Variants in TECPR1 observed in about 807,000 individuals in gnomAD.
TECPR1 encodes tectonin beta-propeller repeat containing 1, also known as tectonin beta-propeller repeat-containing protein 1.
TECPR1 carries 122 observed loss-of-function variants against 162.4 expected under a neutral mutation model. The observed-to-expected ratio is 0.75, with a 90% CI of 0.65 to 0.87. The LOEUF is 0.87. Among genes scored for constraint, TECPR1 ranks in the 40% least tolerant of loss-of-function variants. TECPR1 has a pLI of 0.00. For missense variants in TECPR1, 1,432 were observed against 1,618.2 expected (o/e 0.88, Z 1.97); for synonymous variants, 642 against 670.6 (o/e 0.96, Z 0.66).
Position 98,228,118 on chromosome 7 carries a change from T to C in TECPR1, c.2411-2A>G, listed in dbSNP as rs781634126. 6.2e-7 allele frequency: 1 copy of C among 1,607,900 alleles called. No homozygotes were observed. Among genetic ancestry groups the C allele is most frequent in the Non-Finnish European group, 8.5e-7 (1 of 1,177,510 alleles). On this transcript the variant is annotated splice_acceptor_variant, in intron 16 of 25. Coordinates refer to ENST00000447648, the MANE Select transcript of TECPR1 (RefSeq NM_015395.3). LOFTEE classifies it high-confidence loss of function. ...TGTTACTGGTGCTGCTGGCCAGGCC[T>C]GTGGGGAGAGGTGGCTGCTGGGACC...
intron 17 of TECPR1, chr7:98,226,657 G>A (rs970461772): frequency 1.3e-5 from 14 of 1,100,090 alleles, no homozygotes; most frequent in African/African-American, 1.7e-5. Context: ...GCCGGGCGCA[G>A]TGGCTCTCGC....
In TECPR1 at chr7:98,233,551, A is replaced by G. The variant is rs775058038; in HGVS notation, c.1542T>C (p.Ser514=). ...AGFPETTSLS[S]LGLLPLGLEE... is the part of the protein sequence containing the mutation. ...CCAAGCCCAGTGGGAGGAGCCCCAG[A>G]GAGGAGAGGCTGGTGGTCTCGGGGA... Residue 514 remains serine, a synonymous_variant, in exon 11 of 26, where the codon TCT becomes TCC. Coordinates refer to ENST00000447648, the MANE Select transcript of TECPR1 (RefSeq NM_015395.3). 1 of 1,595,154 alleles carries G rather than the reference A, an allele frequency of 6.3e-7. No individual in the cohort carries two copies. The highest frequency in any genetic ancestry group is 8.5e-7 in the Non-Finnish European group (1 of 1,172,664).
At chr7:98,233,359 C>T (rs2116580239) in intron 11 of TECPR1, 62 bp downstream of exon 11, 1 of 1,398,874 alleles carries the variant, frequency 7.1e-7, no homozygotes, top group Non-Finnish European at 9.3e-7. Context: ...CCTCCTCCCA[C>T]ACCCCACACC....
chr7:98,245,982 G>A lies in TECPR1; in HGVS notation c.165C>T (p.Tyr55=), dbSNP rs747907196. The change falls in exon 3 of 26, where the codon TAC becomes TAT. Residue 55 remains tyrosine, a synonymous_variant. Transcript: ENST00000447648. The stretch of plus-strand genomic sequence containing the variant: ...GGACATCGCTGGCACACACATACAC[G>A]TAGACCTGGTTGTCACAGGCAATGC... ...CWGIACDNQV[Y]VYVCASDVPI... 33 of 1,606,674 alleles carry A rather than the reference G, an allele frequency of 2.1e-5. No individual in the cohort carries two copies. The South Asian group carries it at 2.9e-4, about 14-fold the overall frequency.
At chr7:98,233,216 G>A (rs1355801160) in intron 11 of TECPR1, 25 of 811,392 alleles carry the variant, frequency 3.1e-5, no homozygotes, top group East Asian at 2.0e-4. Flanking sequence ...ACTGGCCACC[G>A]TGCTTCCAGG....
At position 98,244,968 on chromosome 7, in the gene TECPR1, C is replaced by G. The variant is rs200648329; in HGVS notation, c.325G>C (p.Val109Leu). The G allele has an allele frequency of 1.2e-6, 2 of 1,612,794 alleles. No individual in the cohort carries two copies. Among genetic ancestry groups the G allele is most frequent in the East Asian group, 4.5e-5 (2 of 44,866 alleles). The change falls in exon 4 of 26, where the codon GTG (valine) becomes CTG (leucine). Residue 109 changes from valine to leucine, a missense_variant. Physicochemically the swap from Val to Leu is conservative, Grantham distance 32 (BLOSUM62 1). Transcript: ENST00000447648. Reference protein sequence around the residue: ...SGLQHRPLDRVALPSPHWEWE... With the variant: ...SGLQHRPLDRLALPSPHWEWE... Reference sequence around the variant, plus strand: ...TCCCAGTGCGGCGAGGGCAGTGCCACCCTGTCCAGCGGCCGGTGCTGGAGC... The same window carrying G: ...TCCCAGTGCGGCGAGGGCAGTGCCAGCCTGTCCAGCGGCCGGTGCTGGAGC...
intron 2 of TECPR1, among the ~76,000 whole-genome samples, chr7:98,247,223 G>A (rs1798935017): frequency 6.6e-6 from 1 of 151,984 alleles, no homozygotes; most frequent in Non-Finnish European, 1.5e-5. Context: ...ACTCGTTGCG[G>A]CCTCGAACTC....
Position 98,216,339 on chromosome 7 carries a change from C to T in TECPR1, c.*1051G>A, listed in dbSNP as rs1460657241. 2 of 152,420 alleles carry T rather than the reference C, an allele frequency of 1.3e-5. No individual in the cohort carries two copies. Among genetic ancestry groups the T allele is most frequent in the African/African-American group, 4.8e-5 (2 of 41,462 alleles). The allele number at this position is 152,420 out of a possible 1,614,324, so 9.4% of individuals were successfully genotyped here. A position where few individuals can be genotyped will look rare whatever the true frequency, so the allele number is the denominator to read the frequency against. On this transcript the variant is annotated 3_prime_UTR_variant, in exon 26 of 26. Transcript: ENST00000447648. The stretch of plus-strand genomic sequence containing the variant: ...GAAGCCCGCAGTCTGCACCCTCCTA[C>T]AACATGATTTGACATCCAAGAAGCC...
intron 13 of TECPR1, 69 bp downstream of exon 13, chr7:98,231,735 T>G: frequency 6.5e-7 from 1 of 1,545,632 alleles, no homozygotes; most frequent in Non-Finnish European, 8.8e-7. Flanking sequence ...CCCATTTCTG[T>G]ACCCCTCCTC....
In TECPR1 at chr7:98,233,643, C is replaced by T. The variant is rs1458204438; in HGVS notation, c.1450G>A (p.Glu484Lys). Residue 484 changes from glutamate to lysine, a missense_variant, in exon 11 of 26, where the codon GAG (glutamate) becomes AAG (lysine). By Grantham distance (56) the Glu-to-Lys change is moderately conservative (BLOSUM62 1). Coordinates refer to ENST00000447648, the MANE Select transcript of TECPR1 (RefSeq NM_015395.3). ...AGGTCAATATTGGTCCAGGGCAGCT[C>T]GGCCGGGGTGGGGGCCGGGCCGGGG... ...THPGPAPTPA[E>K]LPWTNIDLKE... The T allele has an allele frequency of 1.4e-5, 23 of 1,590,190 alleles. No homozygotes were observed. Among genetic ancestry groups the T allele is most frequent in the South Asian group, 3.4e-5 (3 of 88,376 alleles).
intron 10 of TECPR1, among the ~76,000 whole-genome samples, chr7:98,234,705 C>CT (rs34332931): frequency 0.017 from 1,222 of 73,288 alleles, 18 homozygotes; most frequent in Admixed American, 0.027. Context: ...TTGTTATTGT[C>CT]TTTTTTTTTT....
intron 11 of TECPR1, 51 bp from the exon 12 acceptor site, chr7:98,233,023 G>T: frequency 6.5e-7 from 1 of 1,535,314 alleles, no homozygotes; most frequent in Non-Finnish European, 8.7e-7. Context: ...GCCCGCAGCT[G>T]GGCAGGAAGC....
chr7:98,246,052 T>G lies in TECPR1; in HGVS notation c.95A>C (p.Gln32Pro). The G allele has an allele frequency of 6.3e-7, 1 of 1,576,996 alleles. No individual in the cohort carries two copies. Among genetic ancestry groups the G allele is most frequent in the Non-Finnish European group, 8.6e-7 (1 of 1,162,030 alleles). ...GQYWEMCKDS[Q>P]LEFKRVSATT... ...GGCGCTGACGCGCTTGAACTCCAGC[T>G]GGGAGTCCTTGCACATTTCCCAGTA... Residue 32 changes from glutamine (Q) to proline (P), a missense_variant, in exon 3 of 26, where the codon CAG (glutamine) becomes CCG (proline). Transcript: ENST00000447648.
intron 17 of TECPR1, 141 bp from the exon 18 acceptor site, chr7:98,225,243 G>A (rs577674803): frequency 2.6e-6 from 2 of 776,084 alleles, no homozygotes; most frequent in Non-Finnish European, 2.1e-6. Flanking sequence ...ACTCCTAAGA[G>A]GTGACAGCCT....
intron 17 of TECPR1, chr7:98,226,463 G>C (rs1001446499): frequency 2.0e-6 from 2 of 1,014,104 alleles, no homozygotes; most frequent in South Asian, 3.9e-5. Flanking sequence ...TGAGGTCATG[G>C]AGCCACCTCC....
chr7:98,222,301 G>T (rs1167362392), intron 22 of TECPR1, 85 bp downstream of exon 22: 2 of 1,493,272 alleles, frequency 1.3e-6, no homozygotes, highest in African/African-American at 1.4e-5. Context: ...GCTTCTGGGG[G>T]ACCCTGGCCC....
At position 98,233,411 on chromosome 7, in the gene TECPR1, G is replaced by A; in HGVS notation, c.1672+10C>T. 1.4e-6 allele frequency: 2 copies of A among 1,430,012 alleles called. No individual in the cohort carries two copies. Among genetic ancestry groups the A allele is most frequent in the Non-Finnish European group, 1.8e-6 (2 of 1,089,716 alleles). 88.6% of individuals were successfully genotyped at this position (1,430,012 alleles called of 1,614,324 possible). A position where few individuals can be genotyped will look rare whatever the true frequency, so the allele number is the denominator to read the frequency against. On this transcript the variant is annotated intron_variant, in intron 11 of 25. Transcript: ENST00000447648. ...ATGTGGATGCCCCCAGGCCCTGCAG[G>A]AGCCCTTACCCGCCTGGACAGTGAA... is the stretch of plus-strand genomic sequence containing the variant.
Position 98,232,885 on chromosome 7 carries a change from G to A in TECPR1, c.1760C>T (p.Thr587Met), listed in dbSNP as rs368649473. The change falls in exon 12 of 26, where the codon ACG (threonine) becomes ATG (methionine). Residue 587 changes from threonine to methionine, a missense_variant. Physicochemically the swap from Thr to Met is moderately conservative, Grantham distance 81. Coordinates refer to ENST00000447648, the MANE Select transcript of TECPR1 (RefSeq NM_015395.3). This position sits in a 1 kb window ranked among gnomAD's most constrained non-coding sequence, Gnocchi z 4.6. ...CTCCAGCTCCCGCTTGGTCCTTTCC[G>A]TGAGCTGCTGGAAGATCTGCTTCCT... The part of the protein sequence containing the change: ...AWRKQIFQQL[T>M]ERTKRELENF... 17 of 1,612,760 alleles carry A rather than the reference G, an allele frequency of 1.1e-5. No individual in the cohort carries two copies. The highest frequency in any genetic ancestry group is 2.7e-5 in the African/African-American group (2 of 74,906).
chr7:98,244,621 G>A lies in TECPR1; in HGVS notation c.481C>T (p.Arg161Trp), dbSNP rs764743313. ...DKKWNSCVRRRKWIRYRRYKS... is the reference protein window; with the variant it reads ...DKKWNSCVRRWKWIRYRRYKS... ...TATCTCCTGTACCGGATCCACTTCC[G>A]GCGCCGCACACAAGAATTCCACTTC... Residue 161 changes from arginine to tryptophan, a missense_variant, in exon 5 of 26, where the codon CGG (arginine) becomes TGG (tryptophan). Arg to Trp is a moderately radical substitution (Grantham distance 101). Coordinates refer to ENST00000447648, the MANE Select transcript of TECPR1 (RefSeq NM_015395.3). 9 of 1,613,042 alleles carry A rather than the reference G, an allele frequency of 5.6e-6. No homozygotes were observed. Among genetic ancestry groups the A allele is most frequent in the South Asian group, 2.2e-5 (2 of 91,046 alleles).
Sources: allele counts gnomAD v4.1 joint callset (sites outside exome capture counted in the v4.1 genomes callset), GRCh38; gene constraint gnomAD v4.1.1; non-coding constraint Gnocchi (gnomAD v3.1); transcripts MANE v1.5; gene names NCBI Gene and HGNC (gene_info 2026-07-23, HGNC 2026-07-21).